The following CEMIP variants were observed in gnomAD, a reference collection of about 807,000 sequenced individuals.
The protein encoded by CEMIP is cell migration inducing hyaluronidase 1.
A neutral mutation model predicts 156.9 loss-of-function variants in CEMIP; 105 were observed. The ratio of observed to expected loss-of-function variants is 0.67; its 90% CI spans 0.57 to 0.79. The LOEUF (loss-of-function observed/expected upper bound fraction) is 0.79. CEMIP is among the 30% of genes least tolerant of loss of function. CEMIP has a pLI of 0.00. For synonymous variants in CEMIP, 676 were observed against 668.4 expected (o/e 1.01, Z -0.17); for missense variants, 1,457 against 1,769.4 (o/e 0.82, Z 3.17).
At chr15:80,867,984 G>A (rs146288946) in intron 1 of CEMIP, among the ~76,000 whole-genome samples, 5 of 152,262 alleles carry the variant, frequency 3.3e-5, no homozygotes, top group African/African-American at 1.2e-4. Flanking sequence ...GAAGATTTCT[G>A]TCCCATGGGA....
intron 1 of CEMIP, among the ~76,000 whole-genome samples, chr15:80,831,751 C>T (rs1229909483): frequency 6.6e-6 from 1 of 152,192 alleles, no homozygotes; most frequent in Non-Finnish European, 1.5e-5. Flanking sequence ...TGCTGGGCAA[C>T]TGTGGTGGTG....
chr15:80,813,721 C>T (rs1387669915), intron 1 of CEMIP, among the ~76,000 whole-genome samples: 1 of 152,164 alleles, frequency 6.6e-6, no homozygotes, highest in Non-Finnish European at 1.5e-5. Flanking sequence ...GGTCCAATGG[C>T]AAGTGGAACA....
In CEMIP at chr15:80,932,587, C is replaced by A. The variant is rs1900963684; in HGVS notation, c.2793+548C>A. Among the ~76,000 whole-genome samples the A allele has an allele frequency of 6.6e-6, 1 of 152,200 alleles. No homozygotes were observed. Among genetic ancestry groups the A allele is most frequent in the African/African-American group, 2.4e-5 (1 of 41,446 alleles). ...CCGGGGCCAGTCCTCCTGTGCATTT[C>A]CTTCAGGTTATGGATTCCCAGACTT... On this transcript the variant is annotated intron_variant, in intron 22 of 29. Coordinates refer to ENST00000394685, the MANE Select transcript of CEMIP (RefSeq NM_001293298.2). The surrounding 1 kb of genome is among the most constrained non-coding windows in gnomAD (Gnocchi z 4.5).
At chr15:80,909,343 G>C in intron 14 of CEMIP, 37 bp downstream of exon 14, 4 of 1,601,576 alleles carry the variant, frequency 2.5e-6, no homozygotes, top group Non-Finnish European at 3.4e-6. Context: ...TCTGGGGATG[G>C]GCCATGGATG....
At chr15:80,871,965 G>A (rs933274307) in intron 1 of CEMIP, among the ~76,000 whole-genome samples, 1 of 152,188 alleles carries the variant, frequency 6.6e-6, no homozygotes, top group Non-Finnish European at 1.5e-5. Flanking sequence ...AGGCAGGGCG[G>A]CTGTTAAGAG....
chr15:80,814,475 G>C (rs1187039382), intron 1 of CEMIP, among the ~76,000 whole-genome samples: 1 of 152,160 alleles, frequency 6.6e-6, no homozygotes, highest in Non-Finnish European at 1.5e-5. Context: ...TCTTTGGCTT[G>C]AAAGATCCTC....
At chr15:80,797,870 T>A (rs1896272947) in intron 1 of CEMIP, among the ~76,000 whole-genome samples, 1 of 152,224 alleles carries the variant, frequency 6.6e-6, no homozygotes, top group Non-Finnish European at 1.5e-5. Flanking sequence ...CCGCCTCCAC[T>A]GTGTTTTAGG....
At chr15:80,947,173 A>G in intron 29 of CEMIP, 108 bp downstream of exon 29, 1 of 722,890 alleles carries the variant, frequency 1.4e-6, no homozygotes, top group Non-Finnish European at 2.5e-6. Context: ...GCTTTGTACT[A>G]AACGTGGGTA....
intron 1 of CEMIP, among the ~76,000 whole-genome samples, chr15:80,813,682 G>A (rs1596107024): frequency 6.6e-6 from 1 of 152,226 alleles, no homozygotes; most frequent in African/African-American, 2.4e-5. Flanking sequence ...GGAACCTGAA[G>A]CACTCTAAAG....
chr15:80,889,515 A>G lies in CEMIP; in HGVS notation c.1009A>G (p.Thr337Ala). Reference sequence around the variant, plus strand: ...GTTCGATCATGATAAAGTATCTCAGACTAAAGGTGGGGAGAAAATTTCAGA... The same window carrying G: ...GTTCGATCATGATAAAGTATCTCAGGCTAAAGGTGGGGAGAAAATTTCAGA... ...EWFDHDKVSQ[T>A]KGGEKISDLW... The change falls in exon 10 of 30, where the codon ACT becomes GCT. Residue 337 changes from threonine to alanine, a missense_variant. Physicochemically the swap from Thr to Ala is moderately conservative, Grantham distance 58. Around this residue, in one of 5 missense-constraint regions of CEMIP, gnomAD observed 280 missense variants for 300.3 expected, o/e 0.93. Transcript: ENST00000394685. The G allele has an allele frequency of 6.2e-7, 1 of 1,614,208 alleles. No homozygotes were observed. Among genetic ancestry groups the G allele is most frequent in the South Asian group, 1.1e-5 (1 of 91,090 alleles).
Position 80,878,663 on chromosome 15 carries a change from C to A in CEMIP, c.95-58C>A, listed in dbSNP as rs1596152313. 26 of 1,611,838 alleles carry A rather than the reference C, an allele frequency of 1.6e-5. No homozygotes were observed. The East Asian group carries it at 5.8e-4, about 36-fold the overall frequency. On this transcript the variant is annotated intron_variant, in intron 3 of 29. Coordinates refer to ENST00000394685, the MANE Select transcript of CEMIP (RefSeq NM_001293298.2). ...ATGGGAGCCCCCTTTTGGCCTGTAG[C>A]ATTCTTGCTTGGTGAGGCTGGTAGA...
chr15:80,865,179 T>A (rs576179220), intron 1 of CEMIP, among the ~76,000 whole-genome samples: 1 of 152,298 alleles, frequency 6.6e-6, no homozygotes, highest in Non-Finnish European at 1.5e-5. Context: ...AAATTTTTTA[T>A]TTTTTTATTT....
At chr15:80,831,474 T>C (rs897217368) in intron 1 of CEMIP, among the ~76,000 whole-genome samples, 7 of 152,022 alleles carry the variant, frequency 4.6e-5, no homozygotes, top group Non-Finnish European at 1.5e-5. Context: ...TAGGGCTAAG[T>C]TGGGGGGACA....
At chr15:80,889,656 CACAG>C (rs1393293216) in intron 10 of CEMIP, 64 bp downstream of exon 10, 6 of 1,595,374 alleles carry the variant, frequency 3.8e-6, no homozygotes, top group Non-Finnish European at 5.1e-6. Flanking sequence ...CTCTATAGAT[CACAG>C]ACATTCTTGT....
chr15:80,858,292 A>G (rs1307916157), intron 1 of CEMIP, among the ~76,000 whole-genome samples: 1 of 152,178 alleles, frequency 6.6e-6, no homozygotes, highest in Non-Finnish European at 1.5e-5. Context: ...TGTGGGTCAC[A>G]TTTTCTAGGA....
chr15:80,880,402 G>A (rs1368524340), intron 5 of CEMIP, among the ~76,000 whole-genome samples: 1 of 152,170 alleles, frequency 6.6e-6, no homozygotes, highest in Non-Finnish European at 1.5e-5. Context: ...TTTTGGTCTG[G>A]CTTAGGAAGA....
chr15:80,786,870 G>A (rs1895953907), intron 1 of CEMIP, among the ~76,000 whole-genome samples: 1 of 152,114 alleles, frequency 6.6e-6, no homozygotes, highest in Non-Finnish European at 1.5e-5. Flanking sequence ...AACCTGGTAA[G>A]GAAAAAGAAA....
rs539667930 is a variant in CEMIP, at chr15:80,949,312, A to G, written c.*388A>G. 1 of 352,422 alleles carries G rather than the reference A, an allele frequency of 2.8e-6. No homozygotes were observed. Among genetic ancestry groups the G allele is most frequent in the Non-Finnish European group, 5.5e-6 (1 of 180,184 alleles). The allele number at this position is 352,422 out of a possible 1,614,324, so 21.8% of individuals were successfully genotyped here. A position where few individuals can be genotyped will look rare whatever the true frequency, so the allele number is the denominator to read the frequency against. ...TAGGAGGTAGTCTGGAGGGCTGGTC[A>G]TTCACAGATCCCCATGGTCTTCAGC... On this transcript the variant is annotated 3_prime_UTR_variant, in exon 30 of 30. Transcript: ENST00000394685.
Position 80,936,861 on chromosome 15 carries a change from C to A in CEMIP, c.3197C>A (p.Ala1066Asp). 6.2e-7 allele frequency: 1 copy of A among 1,614,196 alleles called. No homozygotes were observed. Among genetic ancestry groups the A allele is most frequent in the South Asian group, 1.1e-5 (1 of 91,086 alleles). The stretch of plus-strand genomic sequence containing the variant: ...GACCAGACGGCCCCCGCCGAACTCG[C>A]CATCTGGCTCATCAACTTCAACAAG... Reference protein sequence around the residue: ...HWDQTAPAELAIWLINFNKGD... With the variant: ...HWDQTAPAELDIWLINFNKGD... Residue 1066 changes from alanine to aspartate, a missense_variant, in exon 24 of 30, where the codon GCC (alanine) becomes GAC (aspartate). Around this residue, in one of 5 missense-constraint regions of CEMIP, gnomAD observed 798 missense variants for 980.1 expected, o/e 0.81. Transcript: ENST00000394685.
Sources: gnomAD v4.1 joint callset for allele counts (sites outside exome capture counted in the v4.1 genomes callset) on GRCh38, gnomAD v4.1.1 for gene constraint, gnomAD v4.1.1 regional missense constraint, Gnocchi (gnomAD v3.1) non-coding constraint, MANE v1.5 for transcripts, NCBI Gene and HGNC (gene_info 2026-07-23, HGNC 2026-07-21) for gene names.